The following RCAN2 variants were observed in gnomAD, a reference collection of about 807,000 sequenced individuals.
RCAN2 encodes the protein calcipressin-2.
A neutral mutation model predicts 23.6 loss-of-function variants in RCAN2; 9 were observed. That is an observed-to-expected ratio of 0.38 (90% CI 0.23 to 0.67). The LOEUF (loss-of-function observed/expected upper bound fraction) is 0.67. Ranked by LOEUF, RCAN2 falls within the 30% of genes least tolerant of loss-of-function variation. The pLI is 0.51. For synonymous variants in RCAN2, 109 were observed against 115.7 expected, an observed-to-expected ratio of 0.94 and a Z score of 0.37; for missense variants, 273 against 302.3, an observed-to-expected ratio of 0.90 and a Z score of 0.72.
At chr6:46,225,165 C>A (rs1358896234) in intron 4 of RCAN2, among the ~76,000 whole-genome samples, 2 of 152,192 alleles carry the variant, frequency 1.3e-5, no homozygotes, top group East Asian at 3.8e-4. Context: ...GCCACCTTTT[C>A]TTAATCCAGT....
intron 2 of RCAN2, among the ~76,000 whole-genome samples, chr6:46,341,363 C>T (rs1764312723): frequency 6.6e-6 from 1 of 152,024 alleles, no homozygotes; most frequent in African/African-American, 2.4e-5. Flanking sequence ...TTGGGCCACA[C>T]ATAAAATACA....
chr6:46,230,054 G>C (rs952978211), intron 4 of RCAN2, among the ~76,000 whole-genome samples: 3 of 152,226 alleles, frequency 2.0e-5, no homozygotes, highest in African/African-American at 7.2e-5. Context: ...TCCAGACCCT[G>C]TTTGCCTGGG....
intron 2 of RCAN2, among the ~76,000 whole-genome samples, chr6:46,414,150 G>A (rs754344817): frequency 6.6e-6 from 1 of 152,102 alleles, no homozygotes; most frequent in Non-Finnish European, 1.5e-5. Context: ...CTGTAAATGG[G>A]ACTTTAAAAA....
At chr6:46,235,690 CTCTT>C (rs1346785581) in intron 4 of RCAN2, among the ~76,000 whole-genome samples, 13 of 152,152 alleles carry the variant, frequency 8.5e-5, no homozygotes, top group African/African-American at 3.1e-4. Flanking sequence ...AATTTTCTCT[CTCTT>C]TCATCATTTG....
chr6:46,346,690 C>T (rs1017781602), intron 2 of RCAN2, among the ~76,000 whole-genome samples: 3 of 151,638 alleles, frequency 2.0e-5, no homozygotes, highest in Non-Finnish European at 2.9e-5. Context: ...TATAAAAAGC[C>T]TGAAAAAATG....
At chr6:46,406,615 T>A (rs1766414120) in intron 2 of RCAN2, among the ~76,000 whole-genome samples, 1 of 152,246 alleles carries the variant, frequency 6.6e-6, no homozygotes, top group Non-Finnish European at 1.5e-5. Context: ...CTCTTTTTTC[T>A]TAATGCTTAC....
At chr6:46,358,919 A>G (rs554608926) in intron 2 of RCAN2, among the ~76,000 whole-genome samples, 2 of 152,310 alleles carry the variant, frequency 1.3e-5, no homozygotes, top group African/African-American at 4.8e-5. Flanking sequence ...AGGGTGGAGA[A>G]CCACTAAACT....
intron 2 of RCAN2, among the ~76,000 whole-genome samples, chr6:46,392,737 G>T (rs1765970904): frequency 6.6e-6 from 1 of 152,108 alleles, no homozygotes; most frequent in Admixed American, 6.5e-5. Context: ...CAGAATATGG[G>T]CTCTGTCAAA....
chr6:46,450,662 T>C (rs1315342409), intron 2 of RCAN2, among the ~76,000 whole-genome samples: 1 of 152,064 alleles, frequency 6.6e-6, no homozygotes, highest in Non-Finnish European at 1.5e-5. Flanking sequence ...CAGGATAGTA[T>C]GTTAAGTGAA....
intron 2 of RCAN2, among the ~76,000 whole-genome samples, chr6:46,349,336 C>T (rs1390717848): frequency 6.6e-6 from 1 of 152,072 alleles, no homozygotes; most frequent in African/African-American, 2.4e-5. Context: ...TGTTCTCACT[C>T]TTAAGTGGGA....
intron 2 of RCAN2, among the ~76,000 whole-genome samples, chr6:46,352,212 C>T (rs1764669937): frequency 6.6e-6 from 1 of 152,080 alleles, no homozygotes; most frequent in Admixed American, 6.6e-5. Context: ...CTGGTAATAT[C>T]CAAAATATTG....
rs1765489463 is a variant in RCAN2 at position 46,221,942 on chromosome 6, C to T, written c.*1199G>A. ...AACTTTTTTGAGCACACGGGTGTCG[C>T]GTGAGTAGGACCGGCATACATGTAG... On this transcript the variant is annotated 3_prime_UTR_variant, in exon 5 of 5. Transcript: ENST00000371374. The T allele has an allele frequency of 1.5e-5, 6 of 398,404 alleles. No homozygotes were observed. The highest frequency in any genetic ancestry group is 1.1e-4 in the East Asian group (3 of 28,094). The allele number at this position is 398,404 out of a possible 1,614,324, so 24.7% of individuals were successfully genotyped here. A position where few individuals can be genotyped will look rare whatever the true frequency, so the allele number is the denominator to read the frequency against.
At chr6:46,267,105 A>G (rs1361797834) in intron 2 of RCAN2, among the ~76,000 whole-genome samples, 1 of 152,238 alleles carries the variant, frequency 6.6e-6, no homozygotes, top group Admixed American at 6.5e-5. Flanking sequence ...TCATAAAACC[A>G]AGGTTAAAAG....
intron 1 of RCAN2, among the ~76,000 whole-genome samples, chr6:46,477,174 T>A (rs1421771411): frequency 1.3e-5 from 2 of 152,076 alleles, no homozygotes; most frequent in Non-Finnish European, 1.5e-5. Context: ...AATCCTCCCC[T>A]TCTCTCTCTC....
In RCAN2 at chr6:46,273,176, T is replaced by G. The variant is rs77832110; in HGVS notation, c.226-24280A>C. On this transcript the variant is annotated intron_variant, in intron 2 of 4. Coordinates refer to ENST00000371374, the MANE Select transcript of RCAN2 (RefSeq NM_001251974.2). The stretch of plus-strand genomic sequence containing the variant: ...TGGGCAGCTCACGCTCACACTATTT[T>G]CTCTAGTGCCCTTCCTGATGGACCA... Among the ~76,000 whole-genome samples the G allele has an allele frequency of 7.9e-3, 1,206 of 152,314 alleles. 10 individuals are homozygous for G. Among genetic ancestry groups the G allele is most frequent in the Middle Eastern group, 0.044 (13 of 294 alleles).
At position 46,222,041 on chromosome 6, in the gene RCAN2, A is replaced by G. The variant is rs1449633868; in HGVS notation, c.*1100T>C. The G allele has an allele frequency of 3.5e-5, 14 of 398,394 alleles. No individual in the cohort carries two copies. The highest frequency in any genetic ancestry group is 5.3e-5 in the Non-Finnish European group (12 of 225,932). The allele number at this position is 398,394 out of a possible 1,614,324, so 24.7% of individuals were successfully genotyped here. On this transcript the variant is annotated 3_prime_UTR_variant, in exon 5 of 5. Coordinates refer to ENST00000371374, the MANE Select transcript of RCAN2 (RefSeq NM_001251974.2). ...GGATTTAGCTTCATCCCAATAATCTACAACTGACACTTGCATCTTTATTTA... is the reference window on the plus strand; with the variant it reads ...GGATTTAGCTTCATCCCAATAATCTGCAACTGACACTTGCATCTTTATTTA...
chr6:46,347,883 A>C (rs1041977789), intron 2 of RCAN2, among the ~76,000 whole-genome samples: 4 of 152,256 alleles, frequency 2.6e-5, no homozygotes, highest in Non-Finnish European at 4.4e-5. Context: ...TCTGTTTAAC[A>C]GAAACTTTTT....
intron 2 of RCAN2, among the ~76,000 whole-genome samples, chr6:46,345,536 C>A (rs1017927997): frequency 3.9e-5 from 6 of 152,048 alleles, no homozygotes; most frequent in Admixed American, 6.6e-5. Context: ...TGAAAAGGAT[C>A]AAAAATAATG....
intron 2 of RCAN2, among the ~76,000 whole-genome samples, chr6:46,330,619 C>A (rs1763937132): frequency 6.6e-6 from 1 of 152,128 alleles, no homozygotes; most frequent in Admixed American, 6.5e-5. Flanking sequence ...ATCCTTTCTC[C>A]CCCTCTCCTT....
Sources: allele counts gnomAD v4.1 joint callset (sites outside exome capture counted in the v4.1 genomes callset), GRCh38; gene constraint gnomAD v4.1.1; transcripts MANE v1.5; gene names NCBI Gene and HGNC (gene_info 2026-07-23, HGNC 2026-07-21).